Variants in KALRN observed in about 807,000 individuals in gnomAD.
KALRN encodes kalirin.
KALRN carries 70 observed loss-of-function variants against 353.7 expected under a neutral mutation model. That is an observed-to-expected ratio of 0.20 (90% confidence interval 0.16 to 0.24). The LOEUF (loss-of-function observed/expected upper bound fraction) is 0.24. KALRN is among the 10% of genes least tolerant of loss of function. The probability of loss-of-function intolerance (pLI) is 1.00; values close to 1 mark genes in which losing one functional copy is unlikely to be tolerated. For synonymous variants in KALRN, 1,391 were observed against 1,434.8 expected (o/e 0.97, Z 0.69); for missense variants, 2,791 against 3,756.7 (o/e 0.74, Z 6.72).
At chr3:124,277,731 T>C (rs1181175791) in intron 5 of KALRN, among the ~76,000 whole-genome samples, 1 of 152,196 alleles carries the variant, frequency 6.6e-6, no homozygotes, top group Non-Finnish European at 1.5e-5. Context: ...GGAAGAATGC[T>C]CAGGCATGAG....
At chr3:124,703,836 TTTG>T (rs912768015) in intron 57 of KALRN, among the ~76,000 whole-genome samples, 1 of 150,476 alleles carries the variant, frequency 6.6e-6, no homozygotes, top group Non-Finnish European at 1.5e-5. Flanking sequence ...AAAAGAATCT[TTTG>T]TTGTTGTTTT....
intron 34 of KALRN, 41 bp from the exon 35 acceptor site, chr3:124,632,379 T>C (rs748628764): frequency 6.2e-7 from 1 of 1,601,616 alleles, no homozygotes; most frequent in Admixed American, 1.7e-5. Context: ...CGGCCTGCCT[T>C]CACCACCTCT....
At chr3:124,390,570 C>A (rs535662755) in intron 11 of KALRN, among the ~76,000 whole-genome samples, 1 of 152,154 alleles carries the variant, frequency 6.6e-6, no homozygotes, top group African/African-American at 2.4e-5. Context: ...TACTGTTGTA[C>A]TGTTTATTTA....
chr3:124,699,361 G>C (rs533908496), intron 55 of KALRN, among the ~76,000 whole-genome samples: 5 of 152,184 alleles, frequency 3.3e-5, no homozygotes, highest in Non-Finnish European at 7.4e-5. Flanking sequence ...CTACCTCACT[G>C]GGTTTCTGTG....
intron 5 of KALRN, among the ~76,000 whole-genome samples, chr3:124,270,980 C>T (rs1378671405): frequency 2.6e-5 from 4 of 152,038 alleles, no homozygotes; most frequent in African/African-American, 7.2e-5. Context: ...CAGGTGCCTG[C>T]CACCATGCCT....
intron 33 of KALRN, among the ~76,000 whole-genome samples, chr3:124,522,984 A>G (rs1409499182): frequency 6.6e-6 from 1 of 152,210 alleles, no homozygotes; most frequent in African/African-American, 2.4e-5. Context: ...ACAGTATTTC[A>G]TTATTTGTCT....
At chr3:124,194,802 G>C (rs1047862105) in intron 1 of KALRN, among the ~76,000 whole-genome samples, 1 of 152,068 alleles carries the variant, frequency 6.6e-6, no homozygotes, top group Non-Finnish European at 1.5e-5. Flanking sequence ...TGGTTTCTCA[G>C]ATTTCAGCTT....
intron 51 of KALRN, among the ~76,000 whole-genome samples, chr3:124,691,320 C>T (rs960182033): frequency 3.3e-5 from 5 of 152,040 alleles, no homozygotes; most frequent in African/African-American, 9.7e-5. Context: ...CCCAGCTACT[C>T]GGGAGGCTGA....
chr3:124,067,189 C>A (rs1006165085), intron 1 of KALRN, among the ~76,000 whole-genome samples: 9 of 152,180 alleles, frequency 5.9e-5, no homozygotes, highest in African/African-American at 1.9e-4. Flanking sequence ...CACAGCCAGG[C>A]TCTCAGTAAA....
In KALRN at chr3:124,231,567, T is replaced by C. The variant is rs78005295; in HGVS notation, c.149-3262T>C. ...TTCCAAGATCAGTTCCACAGGATGA[T>C]CCTCTACAAAGAAAACGGGGTTCTA... On this transcript the variant is annotated intron_variant, in intron 2 of 59. Coordinates refer to ENST00000682506, the MANE Select transcript of KALRN (RefSeq NM_001388419.1). 5.8e-3 allele frequency among the ~76,000 whole-genome samples: 876 copies of C among 152,294 alleles called. 9 individuals are homozygous for C. Among genetic ancestry groups the C allele is most frequent in the African/African-American group, 0.02 (836 of 41,556 alleles).
At chr3:124,120,154 G>A (rs2063828239) in intron 1 of KALRN, among the ~76,000 whole-genome samples, 1 of 152,204 alleles carries the variant, frequency 6.6e-6, no homozygotes, top group Non-Finnish European at 1.5e-5. Flanking sequence ...TACATGGGGT[G>A]ATGAGGATAC....
chr3:124,194,977 G>C (rs2075290007), intron 1 of KALRN, among the ~76,000 whole-genome samples: 1 of 152,174 alleles, frequency 6.6e-6, no homozygotes, highest in Non-Finnish European at 1.5e-5. Context: ...GTATAGGGGG[G>C]ATGGGAGAAT....
chr3:124,452,510 C>A (rs953460369), intron 21 of KALRN, among the ~76,000 whole-genome samples: 2 of 152,106 alleles, frequency 1.3e-5, no homozygotes, highest in Non-Finnish European at 2.9e-5. Flanking sequence ...GCATTGCCCA[C>A]TTGTTTTTTG....
chr3:124,270,995 A>G (rs1439612052), intron 5 of KALRN, among the ~76,000 whole-genome samples: 1 of 151,626 alleles, frequency 6.6e-6, no homozygotes, highest in Non-Finnish European at 1.5e-5. Flanking sequence ...ATGCCTGGCT[A>G]ATTTTTTGTA....
intron 1 of KALRN, among the ~76,000 whole-genome samples, chr3:124,210,007 A>C (rs2076769073): frequency 6.6e-6 from 1 of 152,214 alleles, no homozygotes; most frequent in Admixed American, 6.5e-5. Context: ...CAGAGAGTAA[A>C]GGGTTAAGAA....
intron 26 of KALRN, among the ~76,000 whole-genome samples, chr3:124,475,675 T>C (rs941516533): frequency 1.3e-5 from 2 of 152,216 alleles, no homozygotes; most frequent in Non-Finnish European, 2.9e-5. Flanking sequence ...ATTTTAAACA[T>C]GGGAAAATTT....
At chr3:124,571,075 C>T (rs1011354432) in intron 34 of KALRN, among the ~76,000 whole-genome samples, 5 of 152,162 alleles carry the variant, frequency 3.3e-5, no homozygotes, top group African/African-American at 9.7e-5. Flanking sequence ...TATTCTCCCC[C>T]GTCCGAGCCC....
intron 34 of KALRN, among the ~76,000 whole-genome samples, chr3:124,580,472 T>C (rs2074522366): frequency 6.6e-6 from 1 of 152,202 alleles, no homozygotes; most frequent in Non-Finnish European, 1.5e-5. Context: ...TCCCTCCTGA[T>C]TCTTATCAGC....
chr3:124,282,952 C>A (rs2075495522), intron 5 of KALRN, among the ~76,000 whole-genome samples: 1 of 152,166 alleles, frequency 6.6e-6, no homozygotes, highest in Non-Finnish European at 1.5e-5. Context: ...GGTGCCTAGT[C>A]CTCCTCCTAA....
Sources: allele counts gnomAD v4.1 joint callset (sites outside exome capture counted in the v4.1 genomes callset), GRCh38; gene constraint gnomAD v4.1.1; transcripts MANE v1.5; gene names NCBI Gene and HGNC (gene_info 2026-07-23, HGNC 2026-07-21).